SLC44A5: variants seen among roughly 807,000 people sequenced by gnomAD.
The protein encoded by SLC44A5 is solute carrier family 44 member 5, also known as choline transporter-like protein 5.
SLC44A5 carries 57 observed loss-of-function variants against 101.8 expected under a neutral mutation model. That is an observed-to-expected ratio of 0.56 (90% CI 0.45 to 0.70). SLC44A5 has a LOEUF of 0.70. Ranked by LOEUF, SLC44A5 falls within the 30% of genes least tolerant of loss-of-function variation. The pLI is 0.00. For missense variants in SLC44A5, 737 were observed against 853.1 expected (o/e 0.86, Z 1.70); for synonymous variants, 281 against 290.9 (o/e 0.97, Z 0.35).
intron 2 of SLC44A5, among the ~76,000 whole-genome samples, chr1:75,467,996 C>A (rs1290918581): frequency 6.6e-6 from 1 of 151,668 alleles, no homozygotes; most frequent in East Asian, 1.9e-4. Context: ...ATCTAATAAT[C>A]CAATCAAAAG....
chr1:75,616,260 C>G, the SLC44A5 span, among the ~76,000 whole-genome samples: 1 of 152,052 alleles, frequency 6.6e-6, no homozygotes, highest in Admixed American at 6.5e-5. Context: ...CCCCCACCCC[C>G]GGTGTCCCGT....
At chr1:75,368,889 T>C (rs1451841087) in intron 3 of SLC44A5, among the ~76,000 whole-genome samples, 1 of 152,222 alleles carries the variant, frequency 6.6e-6, no homozygotes, top group Admixed American at 6.5e-5. Flanking sequence ...TAAATACATA[T>C]TAAAATGTAT....
intron 6 of SLC44A5, among the ~76,000 whole-genome samples, chr1:75,259,178 T>C (rs923243886): frequency 2.0e-5 from 3 of 151,822 alleles, no homozygotes; most frequent in African/African-American, 4.8e-5. Context: ...AGAGAATGAG[T>C]TTGACAAATT....
intron 2 of SLC44A5, among the ~76,000 whole-genome samples, chr1:75,536,171 T>C (rs1471285888): frequency 1.3e-5 from 2 of 152,150 alleles, no homozygotes; most frequent in African/African-American, 4.8e-5. Context: ...ACTGCTCAGC[T>C]CTGTAACCTT....
chr1:75,692,725 A>G, the SLC44A5 span, among the ~76,000 whole-genome samples: 2 of 152,172 alleles, frequency 1.3e-5, no homozygotes, highest in Admixed American at 6.5e-5. Flanking sequence ...GAGAGAAGGG[A>G]GAGAAAAATA....
intron 4 of SLC44A5, among the ~76,000 whole-genome samples, chr1:75,324,573 C>A (rs1325602131): frequency 6.6e-6 from 1 of 152,088 alleles, no homozygotes; most frequent in African/African-American, 2.4e-5. Flanking sequence ...GTGAGTATTA[C>A]ACAAGTGCAT....
the SLC44A5 span, among the ~76,000 whole-genome samples, chr1:75,708,257 A>T: frequency 8.2e-6 from 1 of 121,622 alleles, no homozygotes; most frequent in Non-Finnish European, 1.6e-5. Context: ...CTGAAAATAC[A>T]AAAAAAAAAA....
intron 6 of SLC44A5, among the ~76,000 whole-genome samples, chr1:75,257,999 A>G (rs921578125): frequency 1.3e-5 from 2 of 152,020 alleles, no homozygotes; most frequent in African/African-American, 4.8e-5. Flanking sequence ...GGACTGTATC[A>G]TGCACTCTGG....
At chr1:75,422,464 C>T (rs527238167) in intron 2 of SLC44A5, among the ~76,000 whole-genome samples, 23 of 152,300 alleles carry the variant, frequency 1.5e-4, no homozygotes, top group African/African-American at 5.5e-4. Flanking sequence ...AGTTTTGTTT[C>T]ACCTCAAAAT....
intron 4 of SLC44A5, among the ~76,000 whole-genome samples, chr1:75,324,847 A>T (rs1053914190): frequency 4.3e-4 from 66 of 152,332 alleles, no homozygotes; most frequent in African/African-American, 1.6e-3. Context: ...TACTGAGAAG[A>T]TAAATATCGC....
intron 2 of SLC44A5, among the ~76,000 whole-genome samples, chr1:75,420,184 C>T (rs1207942628): frequency 6.6e-6 from 1 of 152,016 alleles, no homozygotes; most frequent in African/African-American, 2.4e-5. Flanking sequence ...TCTGTTGGTG[C>T]CTTAATCTTA....
the SLC44A5 span, among the ~76,000 whole-genome samples, chr1:75,620,546 G>A: frequency 9.9e-5 from 15 of 152,102 alleles, no homozygotes; most frequent in East Asian, 1.9e-3. Flanking sequence ...CTGGTATCTC[G>A]TTGTGGTTTT....
intron 2 of SLC44A5, among the ~76,000 whole-genome samples, chr1:75,536,298 T>G (rs983823797): frequency 6.6e-6 from 1 of 151,802 alleles, no homozygotes; most frequent in African/African-American, 2.4e-5. Context: ...AAAAAGTGTC[T>G]TCATAAAAAT....
chr1:75,530,537 C>A (rs1411530875), intron 2 of SLC44A5, among the ~76,000 whole-genome samples: 2 of 152,096 alleles, frequency 1.3e-5, no homozygotes, highest in Non-Finnish European at 2.9e-5. Flanking sequence ...TCTAAAATAG[C>A]CCTAGTTCCC....
intron 5 of SLC44A5, among the ~76,000 whole-genome samples, chr1:75,294,872 T>TG (rs796177712): frequency 4.6e-5 from 7 of 152,232 alleles, no homozygotes; most frequent in African/African-American, 1.7e-4. Flanking sequence ...TGCCAGGATC[T>TG]GGGGGTGTGG....
chr1:75,519,320 G>A lies in SLC44A5; in HGVS notation c.13+22115C>T, dbSNP rs555204870. Reference sequence around the variant, plus strand: ...CGCCTGTAATCCCAACACTTTGAGAGGCTGAGGAGGGAAAATAACTTGAGA... The same window carrying A: ...CGCCTGTAATCCCAACACTTTGAGAAGCTGAGGAGGGAAAATAACTTGAGA... On this transcript the variant is annotated intron_variant, in intron 2 of 23. Coordinates refer to ENST00000370859, the MANE Select transcript of SLC44A5 (RefSeq NM_001130058.2). 5.9e-5 allele frequency among the ~76,000 whole-genome samples: 9 copies of A among 152,262 alleles called. No individual in the cohort carries two copies. In the East Asian group the frequency reaches 1.6e-3, roughly 26 times the overall value.
chr1:75,470,979 C>A (rs1415332087), intron 2 of SLC44A5, among the ~76,000 whole-genome samples: 2 of 152,050 alleles, frequency 1.3e-5, no homozygotes, highest in Admixed American at 1.3e-4. Context: ...AAAACTAAAG[C>A]ATTTTGCAAG....
At chr1:75,326,968 A>C (rs573751291) in intron 4 of SLC44A5, among the ~76,000 whole-genome samples, 2 of 152,288 alleles carry the variant, frequency 1.3e-5, no homozygotes, top group Non-Finnish European at 2.9e-5. Flanking sequence ...GAGCATTTTC[A>C]GGAAGAAAAC....
chr1:75,286,136 TA>T (rs2100801647), intron 5 of SLC44A5, among the ~76,000 whole-genome samples: 1 of 152,190 alleles, frequency 6.6e-6, no homozygotes, highest in African/African-American at 2.4e-5. Context: ...AATAGTTTTA[TA>T]AATTAGGGAG....
Sources: gnomAD v4.1 joint callset for allele counts (sites outside exome capture counted in the v4.1 genomes callset) on GRCh38, gnomAD v4.1.1 for gene constraint, MANE v1.5 for transcripts, NCBI Gene and HGNC (gene_info 2026-07-23, HGNC 2026-07-21) for gene names.